Variants in SLC12A6 observed in about 807,000 individuals in gnomAD.
The protein encoded by SLC12A6 is K-Cl cotransporter 3.
SLC12A6 carries 66 observed loss-of-function variants against 135.3 expected under a neutral mutation model. That is an observed-to-expected ratio of 0.49 (90% confidence interval 0.40 to 0.60). The LOEUF (loss-of-function observed/expected upper bound fraction) is 0.60. Among genes scored for constraint, SLC12A6 ranks in the 20% least tolerant of loss-of-function variants. SLC12A6 has a pLI of 0.00. For missense variants in SLC12A6, 1,058 were observed against 1,452.3 expected (o/e 0.73, Z 4.41); for synonymous variants, 513 against 508.8 (o/e 1.01, Z -0.11).
chr15:34,286,813 A>C (rs1895112845), intron 2 of SLC12A6, among the ~76,000 whole-genome samples: 1 of 152,148 alleles, frequency 6.6e-6, no homozygotes, highest in African/African-American at 2.4e-5. Flanking sequence ...CCCTATGTGC[A>C]TTAATTATGC....
intron 2 of SLC12A6, among the ~76,000 whole-genome samples, chr15:34,288,852 T>C (rs2140957570): frequency 6.6e-6 from 1 of 152,366 alleles, no homozygotes; most frequent in African/African-American, 2.4e-5. Flanking sequence ...GAGACTTTGC[T>C]GAAGTTGCTT....
intron 2 of SLC12A6, among the ~76,000 whole-genome samples, chr15:34,310,423 G>A (rs530233447): frequency 7.7e-4 from 100 of 129,440 alleles, no homozygotes; most frequent in African/African-American, 2.9e-3. Flanking sequence ...AAGTGTGTGT[G>A]TGTGTGTGTG....
intron 6 of SLC12A6, 167 bp downstream of exon 6, chr15:34,257,475 T>C: frequency 1.5e-6 from 1 of 649,228 alleles, no homozygotes; most frequent in South Asian, 1.7e-5. Flanking sequence ...TAACAGGCAC[T>C]GAATAACTGA....
intron 2 of SLC12A6, among the ~76,000 whole-genome samples, chr15:34,298,091 T>G (rs1048773641): frequency 1.3e-5 from 2 of 152,118 alleles, no homozygotes; most frequent in Non-Finnish European, 2.9e-5. Context: ...TCAAAAACAG[T>G]GACCATTTGC....
chr15:34,270,979 C>A (rs148055457), intron 3 of SLC12A6, among the ~76,000 whole-genome samples: 32 of 152,066 alleles, frequency 2.1e-4, no homozygotes, highest in African/African-American at 7.2e-4. Context: ...AGGGGAAATG[C>A]GTGATGCTTA....
intron 3 of SLC12A6, among the ~76,000 whole-genome samples, chr15:34,271,650 G>A (rs1452037796): frequency 1.4e-5 from 2 of 143,466 alleles, no homozygotes; most frequent in African/African-American, 5.1e-5. Flanking sequence ...TAAATCACAG[G>A]TGTACAGCTT....
At position 34,250,890 on chromosome 15, in the gene SLC12A6, TG is replaced by T. The variant is rs2140728011; in HGVS notation, c.1492+8del. ...AGCTTCTAAAATATACAACAGCCTATGTGTTTACCTGTAACAGAGGGAAAGA... is the reference window on the plus strand; with the variant it reads ...AGCTTCTAAAATATACAACAGCCTATTGTTTACCTGTAACAGAGGGAAAGA... On this transcript the variant is annotated splice_region_variant and intron_variant, in intron 11 of 25. Coordinates refer to ENST00000354181, the MANE Select transcript of SLC12A6 (RefSeq NM_001365088.1). 6.2e-7 allele frequency: 1 copy of T among 1,605,702 alleles called. No homozygotes were observed. Among genetic ancestry groups the T allele is most frequent in the Non-Finnish European group, 8.5e-7 (1 of 1,172,322 alleles).
At chr15:34,304,976 A>T (rs1418369883) in intron 2 of SLC12A6, among the ~76,000 whole-genome samples, 1 of 152,164 alleles carries the variant, frequency 6.6e-6, no homozygotes, top group East Asian at 1.9e-4. Context: ...ATTTTTGTAT[A>T]GTTGTAACAT....
intron 2 of SLC12A6, among the ~76,000 whole-genome samples, chr15:34,295,392 A>C (rs1895813249): frequency 6.6e-6 from 1 of 152,222 alleles, no homozygotes; most frequent in Non-Finnish European, 1.5e-5. Flanking sequence ...TCTATGCAAT[A>C]GGAATAATAC....
In SLC12A6 at chr15:34,337,315, C is replaced by A. The variant is rs1373234001; in HGVS notation, c.-73+17G>T. The A allele has an allele frequency of 6.3e-6, 1 of 158,096 alleles. No homozygotes were observed. The highest frequency in any genetic ancestry group is 2.4e-5 in the African/African-American group (1 of 41,416). 9.8% of individuals were successfully genotyped at this position (158,096 alleles called of 1,614,324 possible). On this transcript the variant is annotated intron_variant, in intron 1 of 25. Transcript: ENST00000354181. ...TGGTGGGAAAGGTGCACATGCATAA[C>A]GGGAAAAATAACCCACACTACTGAG...
chr15:34,239,979 T>C (rs1891532349), intron 19 of SLC12A6, among the ~76,000 whole-genome samples: 1 of 152,186 alleles, frequency 6.6e-6, no homozygotes, highest in African/African-American at 2.4e-5. Context: ...CTTTAAGTTT[T>C]AGGGTACATG....
In SLC12A6 at chr15:34,254,577, G is replaced by A. The variant is rs1486366335; in HGVS notation, c.889C>T (p.Pro297Ser). ...TCACTGTGAAAGATGGCAGCTCGGGGGACGATATAGACCTGTTAGGTAAAA... is the reference window on the plus strand; with the variant it reads ...TCACTGTGAAAGATGGCAGCTCGGGAGACGATATAGACCTGTTAGGTAAAA... ...AIEIFLVYIV[P>S]RAAIFHSDDA... Residue 297 changes from proline (P) to serine (S), a missense_variant, in exon 9 of 26, where the codon CCC (proline) becomes TCC (serine). This residue lies in a region of SLC12A6 where 297 missense variants were observed against 318.5 expected (regional missense o/e 0.93). Transcript: ENST00000354181. The A allele has an allele frequency of 1.2e-6, 2 of 1,606,086 alleles. No homozygotes were observed. Among genetic ancestry groups the A allele is most frequent in the Non-Finnish European group, 1.7e-6 (2 of 1,172,718 alleles).
At position 34,230,078 on chromosome 15, in the gene SLC12A6, A is replaced by C. The variant is rs1890824016; in HGVS notation, c.*3803T>G. 2.5e-6 allele frequency: 1 copy of C among 400,932 alleles called. No individual in the cohort carries two copies. Among genetic ancestry groups the C allele is most frequent in the Non-Finnish European group, 4.4e-6 (1 of 226,092 alleles). The allele number at this position is 400,932 out of a possible 1,614,324, so 24.8% of individuals were successfully genotyped here. On this transcript the variant is annotated 3_prime_UTR_variant, in exon 26 of 26. Transcript: ENST00000354181. ...AAAAACATAACTATGTAAACAAGAG[A>C]ATAACTGCTGCTAAATCAAGAACTG...
intron 21 of SLC12A6, 30 bp downstream of exon 21, chr15:34,238,202 C>T: frequency 1.9e-6 from 3 of 1,544,234 alleles, no homozygotes; most frequent in Non-Finnish European, 2.7e-6. Context: ...GGGAGAAAGA[C>T]TTTTGTAAAA....
intron 2 of SLC12A6, among the ~76,000 whole-genome samples, chr15:34,324,533 T>TGATA (rs1201361491): frequency 1.1e-4 from 16 of 152,226 alleles, no homozygotes; most frequent in Non-Finnish European, 2.2e-4. Flanking sequence ...GGTAGTATTT[T>TGATA]GATACTGCAA....
chr15:34,290,588 C>A (rs962694948), intron 2 of SLC12A6, among the ~76,000 whole-genome samples: 2 of 152,120 alleles, frequency 1.3e-5, no homozygotes, highest in Non-Finnish European at 2.9e-5. Flanking sequence ...TAAAGTCTCC[C>A]ATTGTTACTG....
intron 2 of SLC12A6, among the ~76,000 whole-genome samples, chr15:34,275,952 G>T (rs1894268706): frequency 6.6e-6 from 1 of 152,138 alleles, no homozygotes; most frequent in Non-Finnish European, 1.5e-5. Context: ...CAGGGGCTGG[G>T]TGGAGTAGGG....
rs1303998877 is a variant in SLC12A6 at position 34,231,436 on chromosome 15, T to C, written c.*2445A>G. ...TGTTAAACTCAACTAAGCAATGGAG[T>C]GTTGCAGTGGGAGTTGTAAATAATG... On this transcript the variant is annotated 3_prime_UTR_variant, in exon 26 of 26. Coordinates refer to ENST00000354181, the MANE Select transcript of SLC12A6 (RefSeq NM_001365088.1). 2 of 149,886 alleles carry C rather than the reference T, an allele frequency of 1.3e-5. No homozygotes were observed. Among genetic ancestry groups the C allele is most frequent in the Non-Finnish European group, 3.0e-5 (2 of 67,582 alleles). The allele number at this position is 149,886 out of a possible 1,614,324, so 9.3% of individuals were successfully genotyped here.
At chr15:34,275,232 G>A (rs1894216911) in intron 3 of SLC12A6, 113 bp downstream of exon 3, 1 of 632,392 alleles carries the variant, frequency 1.6e-6, no homozygotes, top group Non-Finnish European at 2.9e-6. Flanking sequence ...TGTTGGGTGG[G>A]AAGTAGAAAA....
Sources: gnomAD v4.1 joint callset for allele counts (sites outside exome capture counted in the v4.1 genomes callset) on GRCh38, gnomAD v4.1.1 for gene constraint, gnomAD v4.1.1 regional missense constraint, MANE v1.5 for transcripts, NCBI Gene and HGNC (gene_info 2026-07-23, HGNC 2026-07-21) for gene names.